The following FHIP1A variants were observed in gnomAD, a reference collection of about 807,000 sequenced individuals.
The protein encoded by FHIP1A is FHF complex subunit HOOK-interacting protein 1A.
Under a neutral mutation model 88.6 loss-of-function variants are expected in FHIP1A, and 61 were observed. The observed-to-expected ratio is 0.69, with a 90% confidence interval of 0.56 to 0.85. FHIP1A has a LOEUF of 0.85. Among genes scored for constraint, FHIP1A ranks in the 40% least tolerant of loss-of-function variants. The pLI is 0.00. For missense variants in FHIP1A, 1,154 were observed against 1,273.5 expected (o/e 0.91, Z 1.43); for synonymous variants, 478 against 496.0 (o/e 0.96, Z 0.48).
intron 3 of FHIP1A, among the ~76,000 whole-genome samples, chr4:151,551,056 C>T (rs1364801544): frequency 6.6e-6 from 1 of 152,158 alleles, no homozygotes; most frequent in Non-Finnish European, 1.5e-5. Context: ...AGGGAAAATT[C>T]TGGAGAGGGC....
chr4:151,639,794 G>C (rs993440123), intron 9 of FHIP1A, among the ~76,000 whole-genome samples: 1 of 152,108 alleles, frequency 6.6e-6, no homozygotes, highest in Admixed American at 6.5e-5. Flanking sequence ...CGAAAAAGTG[G>C]GACTACCAGG....
intron 3 of FHIP1A, among the ~76,000 whole-genome samples, chr4:151,542,970 C>G (rs939984861): frequency 4.6e-5 from 7 of 152,158 alleles, no homozygotes; most frequent in Admixed American, 4.6e-4. Flanking sequence ...AAGAATTTAG[C>G]AAAAGGGTGA....
At chr4:151,477,262 A>C (rs970564584) in intron 2 of FHIP1A, among the ~76,000 whole-genome samples, 7 of 152,224 alleles carry the variant, frequency 4.6e-5, no homozygotes, top group Non-Finnish European at 8.8e-5. Flanking sequence ...GTGGTATTTC[A>C]AATTAGTCGG....
At chr4:151,604,190 T>C (rs1161721358) in intron 7 of FHIP1A, among the ~76,000 whole-genome samples, 3 of 152,010 alleles carry the variant, frequency 2.0e-5, no homozygotes, top group Non-Finnish European at 4.4e-5. Flanking sequence ...TCCCACAGCC[T>C]CCTGCAGCTG....
intron 3 of FHIP1A, among the ~76,000 whole-genome samples, chr4:151,533,252 T>A (rs1731945403): frequency 7.9e-5 from 12 of 152,080 alleles, no homozygotes; most frequent in Admixed American, 7.9e-4. Context: ...AAAAATTAGC[T>A]GAGCATGGTG....
intron 1 of FHIP1A, among the ~76,000 whole-genome samples, chr4:151,424,350 G>A (rs1252087408): frequency 2.6e-5 from 4 of 152,168 alleles, no homozygotes. Context: ...TAGAAAAAAG[G>A]AGGAGTGCTG....
chr4:151,458,553 T>C (rs1180641862), intron 2 of FHIP1A, among the ~76,000 whole-genome samples: 3 of 151,980 alleles, frequency 2.0e-5, no homozygotes, highest in Admixed American at 2.0e-4. Flanking sequence ...GAGGGGAAAA[T>C]CAGACTAAAT....
intron 7 of FHIP1A, among the ~76,000 whole-genome samples, chr4:151,617,689 C>T (rs1339369979): frequency 6.6e-6 from 1 of 152,068 alleles, no homozygotes; most frequent in Non-Finnish European, 1.5e-5. Context: ...AGTTCAAGAC[C>T]AGCCTGGCTG....
At chr4:151,455,411 G>A (rs1728932718) in intron 2 of FHIP1A, among the ~76,000 whole-genome samples, 2 of 152,200 alleles carry the variant, frequency 1.3e-5, no homozygotes, top group South Asian at 4.1e-4. Context: ...TCATCCCTCA[G>A]CAGGGATCAG....
chr4:151,442,351 GA>G (rs1334821953), intron 1 of FHIP1A, among the ~76,000 whole-genome samples: 2 of 151,924 alleles, frequency 1.3e-5, no homozygotes, highest in African/African-American at 4.8e-5. Context: ...AAAATCAACA[GA>G]AAAACCCCCC....
Position 151,665,102 on chromosome 4 carries a change from G to T in FHIP1A, c.*2348G>T, listed in dbSNP as rs1737613603. Among the ~76,000 whole-genome samples the T allele has an allele frequency of 6.6e-6, 1 of 152,080 alleles. No homozygotes were observed. The highest frequency in any genetic ancestry group is 2.4e-5 in the African/African-American group (1 of 41,392). On this transcript the variant is annotated 3_prime_UTR_variant, in exon 14 of 14. Coordinates refer to ENST00000435205, the MANE Select transcript of FHIP1A (RefSeq NM_001109977.3). The stretch of plus-strand genomic sequence containing the variant: ...TGATCCTCCCACCTCAGCCTTCCGA[G>T]TAGCTGGGAATATAGGAACGTGCCA...
In FHIP1A at chr4:151,662,389, A is replaced by C; in HGVS notation, c.2870-112A>C. On this transcript the variant is annotated intron_variant, in intron 13 of 13. Coordinates refer to ENST00000435205, the MANE Select transcript of FHIP1A (RefSeq NM_001109977.3). ...GGATTTAGTCCGTTATAGGAACTGCACTCATAACTAGATACTCTCCAGCAA... is the reference window on the plus strand; with the variant it reads ...GGATTTAGTCCGTTATAGGAACTGCCCTCATAACTAGATACTCTCCAGCAA... The C allele has an allele frequency of 2.6e-6, 3 of 1,140,336 alleles. No homozygotes were observed. The South Asian group carries it at 5.1e-5, about 20-fold the overall frequency. 70.6% of individuals were successfully genotyped at this position (1,140,336 alleles called of 1,614,324 possible). A position where few individuals can be genotyped will look rare whatever the true frequency, so the allele number is the denominator to read the frequency against.
In FHIP1A at chr4:151,667,236, GC is replaced by G. The variant is rs1457587966; in HGVS notation, c.*4486del. 1 of 152,126 alleles carries G rather than the reference GC, an allele frequency of 6.6e-6. No homozygotes were observed. Among genetic ancestry groups the G allele is most frequent in the Non-Finnish European group, 1.5e-5 (1 of 68,038 alleles). 9.4% of individuals were successfully genotyped at this position (152,126 alleles called of 1,614,324 possible). A position where few individuals can be genotyped will look rare whatever the true frequency, so the allele number is the denominator to read the frequency against. On this transcript the variant is annotated 3_prime_UTR_variant, in exon 14 of 14. Coordinates refer to ENST00000435205, the MANE Select transcript of FHIP1A (RefSeq NM_001109977.3). ...TTAAGTCATTAGGAAGATATTCTAG[GC>G]CCCTTGTTGCTTCAGCCATCAGTCT...
chr4:151,428,541 TAATATTTA>T (rs1733471775), intron 1 of FHIP1A, among the ~76,000 whole-genome samples: 1 of 152,148 alleles, frequency 6.6e-6, no homozygotes, highest in Non-Finnish European at 1.5e-5. Context: ...TCACCCTTAG[TAATATTTA>T]AACAATGTAG....
intron 3 of FHIP1A, among the ~76,000 whole-genome samples, chr4:151,483,490 G>A (rs1253548176): frequency 6.6e-6 from 1 of 152,078 alleles, no homozygotes; most frequent in East Asian, 1.9e-4. Context: ...TTGACACTCT[G>A]GTCCAGTAAA....
At chr4:151,502,482 A>G (rs538604019) in intron 3 of FHIP1A, among the ~76,000 whole-genome samples, 4 of 152,248 alleles carry the variant, frequency 2.6e-5, no homozygotes, top group East Asian at 1.9e-4. Context: ...TGAAAAATTC[A>G]GTAGAGGGGT....
intron 1 of FHIP1A, among the ~76,000 whole-genome samples, chr4:151,415,060 G>C (rs1474426469): frequency 6.6e-6 from 1 of 151,632 alleles, no homozygotes; most frequent in African/African-American, 2.4e-5. Context: ...TTTCAACTTG[G>C]TTTTTATTTT....
At chr4:151,660,278 T>G (rs554573996) in intron 13 of FHIP1A, among the ~76,000 whole-genome samples, 1 of 152,344 alleles carries the variant, frequency 6.6e-6, no homozygotes, top group Admixed American at 6.5e-5. Flanking sequence ...GTGTTCTGCC[T>G]TCATTAGTGA....
intron 7 of FHIP1A, among the ~76,000 whole-genome samples, chr4:151,603,664 T>G (rs1403317944): frequency 1.3e-5 from 2 of 152,208 alleles, no homozygotes; most frequent in African/African-American, 4.8e-5. Flanking sequence ...CATAATGTCT[T>G]TCTCCCGAGG....
Sources: gnomAD v4.1 joint callset for allele counts (sites outside exome capture counted in the v4.1 genomes callset) on GRCh38, gnomAD v4.1.1 for gene constraint, MANE v1.5 for transcripts, NCBI Gene and HGNC (gene_info 2026-07-23, HGNC 2026-07-21) for gene names.